TLN2: variants seen among roughly 807,000 people sequenced by gnomAD.
TLN2 encodes the protein talin 2, also known as talin-2.
A neutral mutation model predicts 294.7 loss-of-function variants in TLN2; 118 were observed. The observed-to-expected ratio is 0.40, with a 90% CI of 0.34 to 0.47. The LOEUF (loss-of-function observed/expected upper bound fraction) is 0.47. Among genes scored for constraint, TLN2 ranks in the 20% least tolerant of loss-of-function variants. TLN2 has a pLI of 0.84. For missense variants in TLN2, 3,083 were observed against 3,282.2 expected, an observed-to-expected ratio of 0.94 and a Z score of 1.48; for synonymous variants, 1,431 against 1,304.5, an observed-to-expected ratio of 1.10 and a Z score of -2.09.
At chr15:62,685,578 T>C (rs1427471062) in intron 11 of TLN2, among the ~76,000 whole-genome samples, 1 of 152,246 alleles carries the variant, frequency 6.6e-6, no homozygotes, top group Non-Finnish European at 1.5e-5. Flanking sequence ...AAGGCTTTGC[T>C]ATCTTAAGCT....
intron 1 of TLN2, among the ~76,000 whole-genome samples, chr15:62,542,116 T>C (rs1309215947): frequency 6.6e-6 from 1 of 152,170 alleles, no homozygotes; most frequent in Non-Finnish European, 1.5e-5. Context: ...GTAAGTGTTA[T>C]CTTCATTTTT....
rs140451649 is a variant in TLN2 at position 62,657,763 on chromosome 15, T to C, written c.661-8T>C. The C allele has an allele frequency of 1.4e-3, 2,283 of 1,609,128 alleles. 24 individuals carry two copies. The East Asian group carries it at 0.015, about 11-fold the overall frequency. ...CCTCTGATGCTTTTCCTTCCTCTTG[T>C]GTTTCAGGCACGGGATGACATCCTG... is the stretch of plus-strand genomic sequence containing the variant. On this transcript the variant is annotated splice_region_variant and splice_polypyrimidine_tract_variant and intron_variant, in intron 8 of 58. Coordinates refer to ENST00000636159, the MANE Select transcript of TLN2 (RefSeq NM_015059.3).
At chr15:62,634,083 T>C (rs887819841) in intron 3 of TLN2, among the ~76,000 whole-genome samples, 4 of 152,230 alleles carry the variant, frequency 2.6e-5, no homozygotes. Context: ...AGGTGCCATC[T>C]TCAAATAAGG....
chr15:62,431,814 A>G (rs2035026058), intron 1 of TLN2, among the ~76,000 whole-genome samples: 1 of 152,252 alleles, frequency 6.6e-6, no homozygotes, highest in Non-Finnish European at 1.5e-5. Flanking sequence ...ACCCATGTAT[A>G]TTTAATTCTA....
At chr15:62,798,678 C>A (rs2065703985) in intron 48 of TLN2, among the ~76,000 whole-genome samples, 1 of 152,234 alleles carries the variant, frequency 6.6e-6, no homozygotes, top group African/African-American at 2.4e-5. Context: ...TAGAAACCCC[C>A]TGTCATTCAG....
intron 33 of TLN2, among the ~76,000 whole-genome samples, chr15:62,749,109 C>CA (rs924513952): frequency 6.6e-6 from 1 of 152,198 alleles, no homozygotes; most frequent in Non-Finnish European, 1.5e-5. Flanking sequence ...ATTGAGATGC[C>CA]AGACGAGTAT....
intron 1 of TLN2, among the ~76,000 whole-genome samples, chr15:62,419,179 T>G (rs2034250139): frequency 6.6e-6 from 1 of 152,246 alleles, no homozygotes; most frequent in Non-Finnish European, 1.5e-5. Flanking sequence ...ATTCCACTAA[T>G]TTTTATATTG....
At chr15:62,444,014 T>C (rs1566975779) in intron 1 of TLN2, among the ~76,000 whole-genome samples, 1 of 152,306 alleles carries the variant, frequency 6.6e-6, no homozygotes, top group East Asian at 1.9e-4. Flanking sequence ...AGAATCTGTT[T>C]TCTAGCAGTT....
At position 62,776,897 on chromosome 15, in the gene TLN2, A is replaced by G. The variant is rs1223926842; in HGVS notation, c.5501A>G (p.Glu1834Gly). 1 of 1,578,944 alleles carries G rather than the reference A, an allele frequency of 6.3e-7. No individual in the cohort carries two copies. The highest frequency in any genetic ancestry group is 1.8e-5 in the Admixed American group (1 of 55,430). Residue 1834 changes from glutamate (E) to glycine (G), a missense_variant, in exon 43 of 59, where the codon GAA becomes GGA. Physicochemically the swap from Glu to Gly is moderately conservative, Grantham distance 98. Coordinates refer to ENST00000636159, the MANE Select transcript of TLN2 (RefSeq NM_015059.3). ...GGGGGCATGGTGGACGCCATTGCAG[A>G]AGCCATGAGCAAGGTGGGCATGGGC... ...LVGGMVDAIA[E>G]AMSKLDEGTP...
intron 10 of TLN2, among the ~76,000 whole-genome samples, chr15:62,674,308 C>T (rs1031831933): frequency 2.0e-5 from 3 of 152,092 alleles, no homozygotes; most frequent in East Asian, 1.9e-4. Flanking sequence ...GTCCAGTCTA[C>T]GCAACCAGTA....
In TLN2 at chr15:62,796,217, G is replaced by C. The variant is rs774483219; in HGVS notation, c.5974G>C (p.Asp1992His). Residue 1992 changes from aspartate (D) to histidine (H), a missense_variant, in exon 47 of 59, where the codon GAC becomes CAC. By Grantham distance (81) the Asp-to-His change is moderately conservative. Transcript: ENST00000636159. ...CACCGCTGTGTCTGGGATCATTGCC[G>C]ACCTGGACACCACCATTATGTTTGC... ...AATAVSGIIA[D>H]LDTTIMFATA... The C allele has an allele frequency of 1.2e-6, 2 of 1,614,222 alleles. No homozygotes were observed. Among genetic ancestry groups the C allele is most frequent in the Non-Finnish European group, 1.7e-6 (2 of 1,180,050 alleles).
At chr15:62,803,795 TG>T (rs1288786326) in intron 50 of TLN2, among the ~76,000 whole-genome samples, 1 of 152,240 alleles carries the variant, frequency 6.6e-6, no homozygotes, top group African/African-American at 2.4e-5. Context: ...GATTAGTCCC[TG>T]GTAACTTATT....
At chr15:62,610,195 G>A (rs2047807746) in intron 2 of TLN2, among the ~76,000 whole-genome samples, 1 of 152,214 alleles carries the variant, frequency 6.6e-6, no homozygotes, top group South Asian at 2.1e-4. Flanking sequence ...GACTACCTCA[G>A]TGGACAGAGT....
Position 62,635,916 on chromosome 15 carries a change from C to T in TLN2, c.-36-11359C>T, listed in dbSNP as rs561308834. On this transcript the variant is annotated intron_variant, in intron 3 of 58. Coordinates refer to ENST00000636159, the MANE Select transcript of TLN2 (RefSeq NM_015059.3). Reference sequence around the variant, plus strand: ...GTTCCCTTCCATTTTAAACAGCACACGTTAGGAGGCAGAACCCCCAGATCC... The same window carrying T: ...GTTCCCTTCCATTTTAAACAGCACATGTTAGGAGGCAGAACCCCCAGATCC... Among the ~76,000 whole-genome samples the T allele has an allele frequency of 3.9e-4, 59 of 152,194 alleles. 1 individual carries two copies. Among genetic ancestry groups the T allele is most frequent in the African/African-American group, 1.3e-3 (55 of 41,530 alleles).
At chr15:62,428,618 T>G (rs1447522795) in intron 1 of TLN2, among the ~76,000 whole-genome samples, 1 of 152,156 alleles carries the variant, frequency 6.6e-6, no homozygotes, top group Non-Finnish European at 1.5e-5. Context: ...GTGAATCTCT[T>G]TAGATTCTTT....
chr15:62,724,898 C>A, intron 26 of TLN2, 78 bp from the exon 27 acceptor site: 1 of 1,522,630 alleles, frequency 6.6e-7, no homozygotes. Context: ...TCCAGAAGGG[C>A]ATTTTATAAG....
chr15:62,504,677 G>T (rs2039491436), intron 1 of TLN2, among the ~76,000 whole-genome samples: 1 of 152,176 alleles, frequency 6.6e-6, no homozygotes, highest in South Asian at 2.1e-4. Context: ...AAATTATCTT[G>T]AAATGGATCG....
chr15:62,681,497 T>C (rs1014689070), intron 11 of TLN2, among the ~76,000 whole-genome samples: 1 of 152,250 alleles, frequency 6.6e-6, no homozygotes, highest in Non-Finnish European at 1.5e-5. Flanking sequence ...CTTTTATGTC[T>C]ATGAACATTT....
intron 2 of TLN2, among the ~76,000 whole-genome samples, chr15:62,615,487 T>G (rs960314909): frequency 6.6e-6 from 1 of 152,204 alleles, no homozygotes; most frequent in Admixed American, 6.5e-5. Flanking sequence ...CAGAGCTTGG[T>G]TATAAGATAG....
Sources: gnomAD v4.1 joint callset for allele counts (sites outside exome capture counted in the v4.1 genomes callset) on GRCh38, gnomAD v4.1.1 for gene constraint, MANE v1.5 for transcripts, NCBI Gene and HGNC (gene_info 2026-07-23, HGNC 2026-07-21) for gene names.